Variants in POU4F1 observed in about 807,000 individuals in gnomAD.
POU4F1 encodes POU class 4 homeobox 1.
Under a neutral mutation model 19.8 loss-of-function variants are expected in POU4F1, and 5 were observed. The observed-to-expected ratio is 0.25, with a 90% confidence interval of 0.13 to 0.53. The LOEUF is 0.53. Among genes scored for constraint, POU4F1 ranks in the 20% least tolerant of loss-of-function variants. The pLI is 0.96. For missense variants in POU4F1, 408 were observed against 511.6 expected (o/e 0.80, Z 1.95); for synonymous variants, 266 against 247.7 (o/e 1.07, Z -0.69).
rs912400532 is a variant in POU4F1, at chr13:78,601,355, G to A, written c.*60C>T. The A allele has an allele frequency of 2.1e-5, 34 of 1,604,050 alleles. No individual in the cohort carries two copies. In the African/African-American group the frequency reaches 4.3e-4, roughly 20 times the overall value. On this transcript the variant is annotated 3_prime_UTR_variant, in exon 2 of 2. Transcript: ENST00000377208. The stretch of plus-strand genomic sequence containing the variant: ...TCCGAGGGGAGGCAAGCAGAGGAAA[G>A]CCCCCCAAAAATGCCTCCTCAGCTC...
rs371866523 is a variant in POU4F1, at chr13:78,601,871, G to A, written c.804C>T (p.Leu268=). Residue 268 remains leucine (L), a synonymous_variant, in exon 2 of 2, where the codon CTC becomes CTT. Transcript: ENST00000377208. ...GCTTGAAGCGCTCCGCGAACGCCTC[G>A]AGCTCGCGCGGGTCCGTGTCCGAGT... ...ICDSDTDPRE[L]EAFAERFKQR... 2.7e-5 allele frequency: 43 copies of A among 1,586,820 alleles called. No individual in the cohort carries two copies. The African/African-American group carries it at 5.1e-4, about 19-fold the overall frequency.
In POU4F1 at chr13:78,603,398, G is replaced by A. The variant is rs1298608944; in HGVS notation, c.-72C>T. ...GGAAAGTGCGTACGCCGGCTCACCCGGCCTCCCTTCGGAGGCTGCAGCCGC... is the reference window on the plus strand; with the variant it reads ...GGAAAGTGCGTACGCCGGCTCACCCAGCCTCCCTTCGGAGGCTGCAGCCGC... On this transcript the variant is annotated 5_prime_UTR_variant, in exon 1 of 2. Transcript: ENST00000377208. 5 of 1,510,872 alleles carry A rather than the reference G, an allele frequency of 3.3e-6. No individual in the cohort carries two copies. Among genetic ancestry groups the A allele is most frequent in the Admixed American group, 4.1e-5 (2 of 49,282 alleles). 93.6% of individuals were successfully genotyped at this position (1,510,872 alleles called of 1,614,324 possible).
Position 78,601,502 on chromosome 13 carries a change from T to G in POU4F1, c.1173A>C (p.Lys391Asn). The change falls in exon 2 of 2, where the codon AAA (lysine) becomes AAC (asparagine). Residue 391 changes from lysine to asparagine, a missense_variant. Coordinates refer to ENST00000377208, the MANE Select transcript of POU4F1 (RefSeq NM_006237.4). ...GCACCACGTTCTTTTTGAGGTCCAG[T>G]TTCTCGGCGATGGCGGCGATCTTCT... Reference protein sequence around the residue: ...SSEKIAAIAEKLDLKKNVVRV... With the variant: ...SSEKIAAIAENLDLKKNVVRV... 6.2e-7 allele frequency: 1 copy of G among 1,613,868 alleles called. No individual in the cohort carries two copies. Among genetic ancestry groups the G allele is most frequent in the Non-Finnish European group, 8.5e-7 (1 of 1,180,020 alleles).
In POU4F1 at chr13:78,601,283, G is replaced by T; in HGVS notation, c.*132C>A. 1.4e-6 allele frequency: 2 copies of T among 1,408,400 alleles called. No individual in the cohort carries two copies. Among genetic ancestry groups the T allele is most frequent in the East Asian group, 2.5e-5 (1 of 40,740 alleles). The allele number at this position is 1,408,400 out of a possible 1,614,324, so 87.2% of individuals were successfully genotyped here. ...TCAGAGAATGGGTGGAGGAAAGAGAGCGAGAAGGGACTCCCCAAATGCAGG... is the reference window on the plus strand; with the variant it reads ...TCAGAGAATGGGTGGAGGAAAGAGATCGAGAAGGGACTCCCCAAATGCAGG... On this transcript the variant is annotated 3_prime_UTR_variant, in exon 2 of 2. Coordinates refer to ENST00000377208, the MANE Select transcript of POU4F1 (RefSeq NM_006237.4).
In POU4F1 at chr13:78,601,799, C is replaced by T. The variant is rs762201674; in HGVS notation, c.876G>A (p.Ala292=). ...CGCCCGGGATCTTGAGGTTGGCCAG[C>T]GCCGAGCCCACGTCGGCCTGCGTCA... ...LGVTQADVGS[A]LANLKIPGVG... is the part of the protein sequence containing the mutation. Residue 292 remains alanine (A), a synonymous_variant, in exon 2 of 2, where the codon GCG becomes GCA. Coordinates refer to ENST00000377208, the MANE Select transcript of POU4F1 (RefSeq NM_006237.4). 10 of 1,612,514 alleles carry T rather than the reference C, an allele frequency of 6.2e-6. No homozygotes were observed. In the African/African-American group the frequency reaches 1.1e-4, roughly 17 times the overall value.
At position 78,598,450 on chromosome 13, in the gene POU4F1, T is replaced by C. The variant is rs1163059729; in HGVS notation, c.*2965A>G. ...ATCAACTTTTTATGGAAGAGTTCTA[T>C]GTTTAAAAATACCTCTAGTGCTTTT... On this transcript the variant is annotated 3_prime_UTR_variant, in exon 2 of 2. Coordinates refer to ENST00000377208, the MANE Select transcript of POU4F1 (RefSeq NM_006237.4). The C allele has an allele frequency of 1.3e-5, 2 of 151,868 alleles. No homozygotes were observed. Among genetic ancestry groups the C allele is most frequent in the Non-Finnish European group, 1.5e-5 (1 of 67,952 alleles). 9.4% of individuals were successfully genotyped at this position (151,868 alleles called of 1,614,324 possible).
chr13:78,603,082 C>G, intron 1 of POU4F1, 122 bp downstream of exon 1: 3 of 795,466 alleles, frequency 3.8e-6, no homozygotes, highest in Non-Finnish European at 5.3e-6. Context: ...CGGGACTGCT[C>G]TACACCCCCT....
Position 78,603,361 on chromosome 13 carries a change from C to T in POU4F1, c.-35G>A. ...TTGGCATGTATATCCACAAACACTC[C>T]GAAAGTCCGCGGGAAAGTGCGTACG... On this transcript the variant is annotated 5_prime_UTR_variant, in exon 1 of 2. Transcript: ENST00000377208. The T allele has an allele frequency of 1.3e-6, 2 of 1,550,306 alleles. No individual in the cohort carries two copies. The highest frequency in any genetic ancestry group is 1.7e-6 in the Non-Finnish European group (2 of 1,149,282).
chr13:78,603,140 G>T, intron 1 of POU4F1, 64 bp downstream of exon 1: 3 of 1,239,920 alleles, frequency 2.4e-6, no homozygotes, highest in Non-Finnish European at 1.0e-6. Context: ...CCCCCGACAT[G>T]CAGCGTTTCG....
chr13:78,602,253 CCGCCGCCGGCCGCCGCGCCCG>C lies in POU4F1; in HGVS notation c.401_421del (p.Ala134_Gly140del). On this transcript the variant is annotated inframe_deletion, in exon 2 of 2. Coordinates refer to ENST00000377208, the MANE Select transcript of POU4F1 (RefSeq NM_006237.4). Reference sequence around the variant, plus strand: ...GCCCCCCGGGCCGTCGTGGGCGCCGCCGCCGCCGGCCGCCGCGCCCGCGCCGCCCGCGCCGGCCATGAGCGC... The same window carrying C: ...GCCCCCCGGGCCGTCGTGGGCGCCGCCGCCGCCCGCGCCGGCCATGAGCGC... 2 of 992,410 alleles carry C rather than the reference CCGCCGCCGGCCGCCGCGCCCG, an allele frequency of 2.0e-6. No homozygotes were observed. Among genetic ancestry groups the C allele is most frequent in the Non-Finnish European group, 2.4e-6 (2 of 836,026 alleles). 61.5% of individuals were successfully genotyped at this position (992,410 alleles called of 1,614,324 possible).
rs1180579056 is a variant in POU4F1 at position 78,598,554 on chromosome 13, C to T, written c.*2861G>A. On this transcript the variant is annotated 3_prime_UTR_variant, in exon 2 of 2. Coordinates refer to ENST00000377208, the MANE Select transcript of POU4F1 (RefSeq NM_006237.4). ...TTTTTGAACATCAAGTGTTTTCCTT[C>T]ACAGATTTGCCGGTGAAATTAAAAA... 6.6e-6 allele frequency: 1 copy of T among 151,874 alleles called. No homozygotes were observed. The highest frequency in any genetic ancestry group is 2.4e-5 in the African/African-American group (1 of 41,328). The allele number at this position is 151,874 out of a possible 1,614,324, so 9.4% of individuals were successfully genotyped here.
chr13:78,601,195 T>A lies in POU4F1; in HGVS notation c.*220A>T. On this transcript the variant is annotated 3_prime_UTR_variant, in exon 2 of 2. Transcript: ENST00000377208. Reference sequence around the variant, plus strand: ...GCTCCCCCCCTTCTCCCCTACCCTATACTCCAATCCCCACACCCAGCACCC... The same window carrying A: ...GCTCCCCCCCTTCTCCCCTACCCTAAACTCCAATCCCCACACCCAGCACCC... 3 of 354,502 alleles carry A rather than the reference T, an allele frequency of 8.5e-6. No homozygotes were observed. Among genetic ancestry groups the A allele is most frequent in the Non-Finnish European group, 1.5e-5 (3 of 202,676 alleles). The allele number at this position is 354,502 out of a possible 1,614,324, so 22.0% of individuals were successfully genotyped here.
chr13:78,601,976 CGCCGCT>C lies in POU4F1; in HGVS notation c.693_698del (p.Ala236_Ala237del), dbSNP rs1024870460. ...CTGCCACCTGCCCGGCCGCCGCCGC[CGCCGCT>C]GCCGCTGCCGCGCCGTGGTGCGCCG... On this transcript the variant is annotated inframe_deletion, in exon 2 of 2. Transcript: ENST00000377208. 71 of 1,051,378 alleles carry C rather than the reference CGCCGCT, an allele frequency of 6.8e-5. No homozygotes were observed. The highest frequency in any genetic ancestry group is 4.4e-4 in the Admixed American group (8 of 18,220). The allele number at this position is 1,051,378 out of a possible 1,614,324, so 65.1% of individuals were successfully genotyped here. A position where few individuals can be genotyped will look rare whatever the true frequency, so the allele number is the denominator to read the frequency against.
Position 78,602,199 on chromosome 13 carries a change from G to T in POU4F1, c.476C>A (p.Pro159Gln). 6.4e-6 allele frequency: 2 copies of T among 311,686 alleles called. No homozygotes were observed. Among genetic ancestry groups the T allele is most frequent in the Non-Finnish European group, 8.4e-6 (2 of 237,708 alleles). 19.3% of individuals were successfully genotyped at this position (311,686 alleles called of 1,614,324 possible). Residue 159 changes from proline (P) to glutamine (Q), a missense_variant, in exon 2 of 2, where the codon CCG (proline) becomes CAG (glutamine). By Grantham distance (76) the Pro-to-Gln change is moderately conservative. This residue lies in a region of POU4F1 where 294 missense variants were observed against 288.2 expected (regional missense o/e 1.02). Coordinates refer to ENST00000377208, the MANE Select transcript of POU4F1 (RefSeq NM_006237.4). Reference protein sequence around the residue: ...GGGGPGGGGGPGGGPGGGGGG... With the variant: ...GGGGPGGGGGQGGGPGGGGGG... ...GCCGCCTCCCCCGGGGCCGCCGCCC[G>T]GGCCGCCGCCGCCGCCCGGGCCGCC...
rs538452587 is a variant in POU4F1 at position 78,599,532 on chromosome 13, C to T, written c.*1883G>A. The stretch of plus-strand genomic sequence containing the variant: ...ACAAAACGGTCTACCAGAAAGCTAG[C>T]CCAGTTTAGTGCTCAGTTTCAAATG... On this transcript the variant is annotated 3_prime_UTR_variant, in exon 2 of 2. Coordinates refer to ENST00000377208, the MANE Select transcript of POU4F1 (RefSeq NM_006237.4). The T allele has an allele frequency of 9.2e-5, 14 of 152,714 alleles. No homozygotes were observed. Among genetic ancestry groups the T allele is most frequent in the African/African-American group, 2.6e-4 (11 of 41,556 alleles). 9.5% of individuals were successfully genotyped at this position (152,714 alleles called of 1,614,324 possible).
rs1391786317 is a variant in POU4F1, at chr13:78,603,425, G to T, written c.-99C>A. ...CCTCCCTTCGGAGGCTGCAGCCGCG[G>T]CGGTCGCGGCGGCTGGCGGCGGCCC... On this transcript the variant is annotated 5_prime_UTR_variant, in exon 1 of 2. Transcript: ENST00000377208. 7.8e-6 allele frequency: 11 copies of T among 1,404,362 alleles called. No individual in the cohort carries two copies. Among genetic ancestry groups the T allele is most frequent in the African/African-American group, 1.5e-5 (1 of 66,300 alleles). 87.0% of individuals were successfully genotyped at this position (1,404,362 alleles called of 1,614,324 possible). A position where few individuals can be genotyped will look rare whatever the true frequency, so the allele number is the denominator to read the frequency against.
rs758195244 is a variant in POU4F1 at position 78,601,043 on chromosome 13, G to A, written c.*372C>T. 7 of 270,388 alleles carry A rather than the reference G, an allele frequency of 2.6e-5. No homozygotes were observed. Among genetic ancestry groups the A allele is most frequent in the Admixed American group, 1.5e-4 (3 of 20,288 alleles). 16.7% of individuals were successfully genotyped at this position (270,388 alleles called of 1,614,324 possible). ...CAGGATATTTAGGTAAGTGTCTCTG[G>A]TCAGAAACAGTCCATTTTCCTACCC... On this transcript the variant is annotated 3_prime_UTR_variant, in exon 2 of 2. Coordinates refer to ENST00000377208, the MANE Select transcript of POU4F1 (RefSeq NM_006237.4).
At position 78,603,204 on chromosome 13, in the gene POU4F1, C is replaced by T; in HGVS notation, c.123G>A (p.Pro41=). 2 of 1,530,606 alleles carry T rather than the reference C, an allele frequency of 1.3e-6. No homozygotes were observed. The highest frequency in any genetic ancestry group is 8.8e-7 in the Non-Finnish European group (1 of 1,139,616). 94.8% of individuals were successfully genotyped at this position (1,530,606 alleles called of 1,614,324 possible). A position where few individuals can be genotyped will look rare whatever the true frequency, so the allele number is the denominator to read the frequency against. Residue 41 remains proline (P), a splice_region_variant and synonymous_variant, in exon 1 of 2, where the codon CCG becomes CCA. Transcript: ENST00000377208. ...GGGGCCGCGGGCGTGGGGCGCTTAC[C>T]GGCGGCGTGGGCAGGCAGGCCCGCC... The part of the protein sequence containing the change: ...AIRRACLPTP[P]LQSNLFASLD...
intron 1 of POU4F1, 58 bp downstream of exon 1, chr13:78,603,146 T>C (rs1874781188): frequency 5.5e-6 from 7 of 1,266,260 alleles, no homozygotes; most frequent in Middle Eastern, 5.0e-4. Flanking sequence ...ACATGCAGCG[T>C]TTCGGAGACG....
Sources: gnomAD v4.1 joint callset for allele counts on GRCh38, gnomAD v4.1.1 for gene constraint, gnomAD v4.1.1 regional missense constraint, MANE v1.5 for transcripts, NCBI Gene and HGNC (gene_info 2026-07-23, HGNC 2026-07-21) for gene names.